Variants in SEC14L5 observed in about 807,000 individuals in gnomAD.
SEC14L5 encodes the protein SEC14-like protein 5.
A neutral mutation model predicts 84.6 loss-of-function variants in SEC14L5; 96 were observed. That is an observed-to-expected ratio of 1.13 (90% confidence interval 0.96 to 1.34). The LOEUF is 1.34. Ranked by LOEUF, SEC14L5 falls within the 40% of genes most tolerant of loss-of-function variation. The pLI is 0.00. For missense variants in SEC14L5, 1,224 were observed against 942.5 expected (o/e 1.30, Z -3.91); for synonymous variants, 546 against 383.4 (o/e 1.42, Z -4.95).
At chr16:5,014,601 G>A (rs1011744148) in intron 15 of SEC14L5, among the ~76,000 whole-genome samples, 1 of 152,254 alleles carries the variant, frequency 6.6e-6, no homozygotes, top group Non-Finnish European at 1.5e-5. Flanking sequence ...GGCTGTGGCG[G>A]CCTTAGGGCC....
chr16:4,981,414 G>A (rs867777450), intron 2 of SEC14L5, among the ~76,000 whole-genome samples: 13 of 151,828 alleles, frequency 8.6e-5, no homozygotes, highest in African/African-American at 2.9e-4. Context: ...GCCTGGTCTC[G>A]TCAAGGCCTG....
chr16:4,975,525 G>C (rs1175099104), intron 2 of SEC14L5, among the ~76,000 whole-genome samples: 2 of 149,490 alleles, frequency 1.3e-5, no homozygotes, highest in Non-Finnish European at 3.0e-5. Context: ...TGGCTGAGTA[G>C]TATTCCGTGG....
intron 2 of SEC14L5, among the ~76,000 whole-genome samples, chr16:4,981,951 A>C (rs1955428944): frequency 6.6e-6 from 1 of 152,040 alleles, no homozygotes; most frequent in Non-Finnish European, 1.5e-5. Context: ...CGTGGCTGAG[A>C]TCTACAGGGC....
chr16:4,994,824 C>G (rs9989371), intron 6 of SEC14L5, among the ~76,000 whole-genome samples: 185 of 152,236 alleles, frequency 1.2e-3, no homozygotes, highest in African/African-American at 4.3e-3. Context: ...CACAGGCACT[C>G]AGGGTGGCGG....
chr16:4,959,249 C>T, intron 1 of SEC14L5, 24 bp from the exon 2 acceptor site: 4 of 1,211,040 alleles, frequency 3.3e-6, no homozygotes, highest in Non-Finnish European at 4.9e-6. Flanking sequence ...GAGCTGCAAC[C>T]TCACCAGTCA....
At chr16:5,011,385 C>T (rs1955801740) in intron 15 of SEC14L5, 112 bp downstream of exon 15, 2 of 1,088,594 alleles carry the variant, frequency 1.8e-6, no homozygotes, top group East Asian at 2.6e-5. Flanking sequence ...CGGGGTGGGA[C>T]CCCAGCATGG....
At chr16:4,966,704 G>T (rs1310148502) in intron 2 of SEC14L5, among the ~76,000 whole-genome samples, 1 of 152,174 alleles carries the variant, frequency 6.6e-6, no homozygotes, top group South Asian at 2.1e-4. Flanking sequence ...AAGCAAACAT[G>T]TAGCAGGTGG....
At chr16:4,998,850 T>A (rs1238175750) in intron 8 of SEC14L5, among the ~76,000 whole-genome samples, 1 of 152,060 alleles carries the variant, frequency 6.6e-6, no homozygotes, top group Non-Finnish European at 1.5e-5. Flanking sequence ...CGATCAATCT[T>A]CCTAATTTAT....
In SEC14L5 at chr16:5,018,189, C is replaced by A. The variant is rs1955895714; in HGVS notation, c.*3219C>A. 6.6e-6 allele frequency: 1 copy of A among 152,232 alleles called. No homozygotes were observed. The highest frequency in any genetic ancestry group is 1.5e-5 in the Non-Finnish European group (1 of 68,042). 9.4% of individuals were successfully genotyped at this position (152,232 alleles called of 1,614,324 possible). On this transcript the variant is annotated 3_prime_UTR_variant, in exon 16 of 16. Coordinates refer to ENST00000251170, the MANE Select transcript of SEC14L5 (RefSeq NM_014692.2). ...TAGCTGTAAAGCTTTCAGCACAGCTCCCAGAACACAGAAAGCGCTCCATTA... is the reference window on the plus strand; with the variant it reads ...TAGCTGTAAAGCTTTCAGCACAGCTACCAGAACACAGAAAGCGCTCCATTA...
At chr16:4,971,034 G>A (rs1467571956) in intron 2 of SEC14L5, among the ~76,000 whole-genome samples, 5 of 151,460 alleles carry the variant, frequency 3.3e-5, no homozygotes, top group Admixed American at 3.3e-4. Context: ...CTTGAACCGG[G>A]AGGTGGAGGA....
chr16:4,999,652 C>G (rs1035023127), intron 8 of SEC14L5, among the ~76,000 whole-genome samples: 2 of 150,624 alleles, frequency 1.3e-5, no homozygotes, highest in Non-Finnish European at 3.0e-5. Context: ...GGTGGGCTCA[C>G]GTCTGTAATC....
At chr16:5,014,034 G>A (rs972937609) in intron 15 of SEC14L5, among the ~76,000 whole-genome samples, 2 of 152,246 alleles carry the variant, frequency 1.3e-5, no homozygotes, top group Non-Finnish European at 2.9e-5. Context: ...TGCTGGTGCT[G>A]CCAGTTCCCA....
chr16:5,004,515 G>A (rs575534799), intron 11 of SEC14L5, among the ~76,000 whole-genome samples: 3 of 152,110 alleles, frequency 2.0e-5, no homozygotes, highest in Non-Finnish European at 4.4e-5. Context: ...ACCAGTGACT[G>A]CAGTAAGCCT....
chr16:5,011,312 C>A, intron 15 of SEC14L5, 39 bp downstream of exon 15: 1 of 1,584,124 alleles, frequency 6.3e-7, no homozygotes, highest in Non-Finnish European at 8.6e-7. Flanking sequence ...GCAGGAAGGA[C>A]CCTGGGGCTG....
In SEC14L5 at chr16:5,017,895, G is replaced by A. The variant is rs1017155872; in HGVS notation, c.*2925G>A. The A allele has an allele frequency of 2.8e-4, 42 of 152,228 alleles. No homozygotes were observed. Among genetic ancestry groups the A allele is most frequent in the Admixed American group, 1.2e-3 (19 of 15,286 alleles). 9.4% of individuals were successfully genotyped at this position (152,228 alleles called of 1,614,324 possible). On this transcript the variant is annotated 3_prime_UTR_variant, in exon 16 of 16. Transcript: ENST00000251170. ...TTTTGAATTTCCCCTGAGCCACAAA[G>A]GCTGGAAGTGCCTTGGCTTGGGCTT...
chr16:5,004,076 C>A (rs1955706417), intron 11 of SEC14L5, among the ~76,000 whole-genome samples: 1 of 152,240 alleles, frequency 6.6e-6, no homozygotes, highest in Non-Finnish European at 1.5e-5. Flanking sequence ...GGAGGCTGGA[C>A]CCAGCTTGAT....
chr16:4,982,789 G>A (rs571653277), intron 2 of SEC14L5, among the ~76,000 whole-genome samples: 37 of 152,322 alleles, frequency 2.4e-4, no homozygotes, highest in South Asian at 6.2e-4. Flanking sequence ...GAGAGGTTAA[G>A]TAACCCACCC....
At chr16:4,978,720 A>G (rs1019396342) in intron 2 of SEC14L5, among the ~76,000 whole-genome samples, 1 of 152,008 alleles carries the variant, frequency 6.6e-6, no homozygotes, top group Non-Finnish European at 1.5e-5. Flanking sequence ...TTCCTGCCTC[A>G]GCCTCCCGAG....
intron 2 of SEC14L5, among the ~76,000 whole-genome samples, chr16:4,976,646 A>G (rs1162813421): frequency 6.6e-6 from 1 of 152,210 alleles, no homozygotes; most frequent in Non-Finnish European, 1.5e-5. Flanking sequence ...TGGATTTTCC[A>G]GGATGGGGAC....
Sources: allele counts gnomAD v4.1 joint callset (sites outside exome capture counted in the v4.1 genomes callset), GRCh38; gene constraint gnomAD v4.1.1; transcripts MANE v1.5; gene names NCBI Gene and HGNC (gene_info 2026-07-23, HGNC 2026-07-21).